Variants in KIF2A observed in about 807,000 individuals in gnomAD.
KIF2A encodes the protein kinesin family member 2A, also known as kinesin-like protein KIF2A.
A neutral mutation model predicts 100.2 loss-of-function variants in KIF2A; 22 were observed. The observed-to-expected ratio is 0.22, with a 90% CI of 0.16 to 0.31. The LOEUF (loss-of-function observed/expected upper bound fraction) is 0.31, where lower values mean the gene tolerates loss of function less well. Ranked by LOEUF, KIF2A falls within the 10% of genes least tolerant of loss-of-function variation. The pLI is 1.00. For missense variants in KIF2A, 495 were observed against 898.7 expected, an observed-to-expected ratio of 0.55 and a Z score of 5.74; for synonymous variants, 268 against 285.9, an observed-to-expected ratio of 0.94 and a Z score of 0.63.
intron 20 of KIF2A, 76 bp downstream of exon 20, chr5:62,381,329 T>C: frequency 8.3e-7 from 1 of 1,209,904 alleles, no homozygotes; most frequent in South Asian, 1.4e-5. Context: ...CTTCTTCGTA[T>C]TGCAAGAGGA....
At chr5:62,366,338 A>G (rs1741070037) in intron 15 of KIF2A, 76 bp from the exon 16 acceptor site, 1 of 840,956 alleles carries the variant, frequency 1.2e-6, no homozygotes, top group Non-Finnish European at 2.0e-6. Context: ...TTAGACCTAA[A>G]TGAGCTGTAT....
intron 16 of KIF2A, 38 bp downstream of exon 16, chr5:62,366,519 A>G (rs1741076322): frequency 8.6e-7 from 1 of 1,163,734 alleles, no homozygotes. Flanking sequence ...ATTTGAGGGG[A>G]GTACAGCAGT....
intron 1 of KIF2A, among the ~76,000 whole-genome samples, chr5:62,312,509 C>A (rs1245648402): frequency 6.6e-6 from 1 of 152,100 alleles, no homozygotes; most frequent in South Asian, 2.1e-4. Flanking sequence ...TGTTTTGTAA[C>A]CTAAAATAAT....
chr5:62,323,576 T>C (rs891255595), intron 1 of KIF2A, among the ~76,000 whole-genome samples: 5 of 152,002 alleles, frequency 3.3e-5, no homozygotes, highest in African/African-American at 1.2e-4. Context: ...TATAGCTTTA[T>C]ACATTCTGAA....
chr5:62,364,566 A>T (rs1436086141), intron 14 of KIF2A, among the ~76,000 whole-genome samples: 1 of 152,246 alleles, frequency 6.6e-6, no homozygotes, highest in African/African-American at 2.4e-5. Context: ...AGGTTATTAC[A>T]TCTTTTCCTT....
intron 13 of KIF2A, 58 bp downstream of exon 13, chr5:62,363,378 A>G (rs1580078886): frequency 1.3e-6 from 2 of 1,482,918 alleles, no homozygotes; most frequent in East Asian, 4.6e-5. Flanking sequence ...TGGGTACAGT[A>G]TAACAAAATG....
At chr5:62,319,467 T>C (rs954318282) in intron 1 of KIF2A, among the ~76,000 whole-genome samples, 1 of 152,224 alleles carries the variant, frequency 6.6e-6, no homozygotes, top group African/African-American at 2.4e-5. Context: ...CTAACTGCTG[T>C]ATCTCCTTTT....
Position 62,385,611 on chromosome 5 carries a change from T to G in KIF2A, c.*42T>G, listed in dbSNP as rs762106627. On this transcript the variant is annotated 3_prime_UTR_variant, in exon 21 of 21. Transcript: ENST00000407818. ...AAAGGATACCCAGAACCCTCACTAC[T>G]GTAACATACAACGGTTCAGCTGTAA... The G allele has an allele frequency of 3.7e-6, 5 of 1,369,012 alleles. No homozygotes were observed. In the South Asian group the frequency reaches 6.2e-5, roughly 17 times the overall value. 84.8% of individuals were successfully genotyped at this position (1,369,012 alleles called of 1,614,324 possible).
chr5:62,366,525 G>A (rs1400387563), intron 16 of KIF2A, 44 bp downstream of exon 16: 11 of 1,140,474 alleles, frequency 9.6e-6, no homozygotes, highest in Non-Finnish European at 1.3e-5. Context: ...GGGGAGTACA[G>A]CAGTACATAG....
intron 5 of KIF2A, 37 bp from the exon 6 acceptor site, chr5:62,353,238 G>A: frequency 8.0e-7 from 1 of 1,251,140 alleles, no homozygotes; most frequent in South Asian, 1.6e-5. Context: ...CTCTAAAAAA[G>A]AAAACTATAC....
At chr5:62,352,152 CAAA>C (rs35310169) in intron 4 of KIF2A, among the ~76,000 whole-genome samples, 1 of 118,968 alleles carries the variant, frequency 8.4e-6, no homozygotes. Context: ...GACTTCATCT[CAAA>C]AAAAAAAAAA....
At position 62,357,628 on chromosome 5, in the gene KIF2A, T is replaced by A. The variant is rs943201424; in HGVS notation, c.655-63T>A. 5 of 804,334 alleles carry A rather than the reference T, an allele frequency of 6.2e-6. No homozygotes were observed. The East Asian group carries it at 1.4e-4, about 22-fold the overall frequency. 49.8% of individuals were successfully genotyped at this position (804,334 alleles called of 1,614,324 possible). A position where few individuals can be genotyped will look rare whatever the true frequency, so the allele number is the denominator to read the frequency against. On this transcript the variant is annotated intron_variant, in intron 7 of 20. Coordinates refer to ENST00000407818, the MANE Select transcript of KIF2A (RefSeq NM_001098511.3). ...AACCCCTGGAGGAAATATTACATAA[T>A]TTACGTTTTAGTGTTTTACATGACA...
At chr5:62,315,080 C>T (rs760050039) in intron 1 of KIF2A, among the ~76,000 whole-genome samples, 9 of 151,868 alleles carry the variant, frequency 5.9e-5, no homozygotes, top group Non-Finnish European at 1.0e-4. Context: ...CGCATTTTGA[C>T]CGCAACCCAT....
intron 1 of KIF2A, among the ~76,000 whole-genome samples, chr5:62,327,867 A>T (rs745812598): frequency 3.9e-5 from 6 of 152,180 alleles, no homozygotes; most frequent in Non-Finnish European, 8.8e-5. Flanking sequence ...GAATAATAAC[A>T]TTGCACTAAC....
intron 7 of KIF2A, among the ~76,000 whole-genome samples, chr5:62,357,084 T>A (rs1275922306): frequency 6.9e-6 from 1 of 145,840 alleles, no homozygotes; most frequent in African/African-American, 2.6e-5. Context: ...GCATCACAAC[T>A]TCTTTTTTTT....
At chr5:62,345,490 A>AAAAAG (rs59479438) in intron 1 of KIF2A, among the ~76,000 whole-genome samples, 70,648 of 147,692 alleles carry the variant, frequency 0.48, 17,834 homozygotes, top group African/African-American at 0.63. Flanking sequence ...TCAAAAAAAA[A>AAAAAG]AAAAGAAAAG....
At chr5:62,326,229 A>C (rs185524813) in intron 1 of KIF2A, among the ~76,000 whole-genome samples, 1 of 152,294 alleles carries the variant, frequency 6.6e-6, no homozygotes, top group Admixed American at 6.5e-5. Context: ...AAACTTACCA[A>C]AAACAGAATC....
chr5:62,345,805 A>G (rs1174414206), intron 1 of KIF2A, among the ~76,000 whole-genome samples: 1 of 152,150 alleles, frequency 6.6e-6, no homozygotes, highest in Non-Finnish European at 1.5e-5. Context: ...CTTAAGATAA[A>G]TTATAGATGC....
intron 1 of KIF2A, among the ~76,000 whole-genome samples, 187 bp from the exon 2 acceptor site, chr5:62,346,943 T>C (rs1287034108): frequency 7.2e-5 from 11 of 152,294 alleles, no homozygotes; most frequent in Admixed American, 7.2e-4. Context: ...ACTTGACAAG[T>C]AGCAAATTGA....
Sources: gnomAD v4.1 joint callset for allele counts (sites outside exome capture counted in the v4.1 genomes callset) on GRCh38, gnomAD v4.1.1 for gene constraint, MANE v1.5 for transcripts, NCBI Gene and HGNC (gene_info 2026-07-23, HGNC 2026-07-21) for gene names.